The following SH2D4A variants were observed in gnomAD, a reference collection of about 807,000 sequenced individuals.
SH2D4A encodes the protein SH2 domain containing 4A.
SH2D4A carries 70 observed loss-of-function variants against 64.7 expected under a neutral mutation model. That is an observed-to-expected ratio of 1.08 (90% CI 0.89 to 1.32). The LOEUF (loss-of-function observed/expected upper bound fraction) is 1.32, where lower values mean the gene tolerates loss of function less well. SH2D4A is among the 40% of genes most tolerant of loss of function. The probability of loss-of-function intolerance (pLI) is 0.00; values close to 1 mark genes in which losing one functional copy is unlikely to be tolerated. For missense variants in SH2D4A, 706 were observed against 540.1 expected (o/e 1.31, Z -3.04); for synonymous variants, 268 against 200.7 (o/e 1.34, Z -2.83).
At chr8:19,315,864 C>T (rs1585137949) in intron 1 of SH2D4A, among the ~76,000 whole-genome samples, 1 of 152,350 alleles carries the variant, frequency 6.6e-6, no homozygotes, top group African/African-American at 2.4e-5. Context: ...CACCAGGCTC[C>T]TTCGCTTCAC....
intron 5 of SH2D4A, among the ~76,000 whole-genome samples, chr8:19,358,656 C>T (rs1226402558): frequency 2.0e-5 from 3 of 152,142 alleles, no homozygotes; most frequent in Non-Finnish European, 2.9e-5. Flanking sequence ...AATGAATGAG[C>T]CAGCTTGCTA....
chr8:19,383,634 AT>A (rs995555705), intron 8 of SH2D4A, among the ~76,000 whole-genome samples: 2 of 150,728 alleles, frequency 1.3e-5, no homozygotes, highest in East Asian at 1.9e-4. Context: ...AAGGTTTACT[AT>A]TTTTTTTTGT....
rs952014970 is a variant in SH2D4A at position 19,355,927 on chromosome 8, A to C, written c.514-1276A>C. ...TTGAAGGAAATAGTCCCCAAATGCC[A>C]TGGCCAAAAATACAATAAAAGTTAT... is the stretch of plus-strand genomic sequence containing the variant. On this transcript the variant is annotated intron_variant, in intron 4 of 9. Coordinates refer to ENST00000265807, the MANE Select transcript of SH2D4A (RefSeq NM_022071.4). 2.0e-5 allele frequency among the ~76,000 whole-genome samples: 3 copies of C among 152,222 alleles called. No homozygotes were observed. In the South Asian group the frequency reaches 6.2e-4, roughly 32 times the overall value.
intron 4 of SH2D4A, among the ~76,000 whole-genome samples, chr8:19,348,542 C>T (rs765405102): frequency 1.3e-5 from 2 of 152,094 alleles, no homozygotes. Context: ...GAGCGCTGTC[C>T]ACTCCGGAAC....
rs1240284148 is a variant in SH2D4A, at chr8:19,313,815, C to T, written c.-213C>T. On this transcript the variant is annotated 5_prime_UTR_variant, in exon 1 of 10. Transcript: ENST00000265807. Reference sequence around the variant, plus strand: ...ATCGAGCCACCCTGCCCAGGGGCGCCCAGCACTGGTAGGTGCTGGGGGTGG... The same window carrying T: ...ATCGAGCCACCCTGCCCAGGGGCGCTCAGCACTGGTAGGTGCTGGGGGTGG... 4 of 1,504,290 alleles carry T rather than the reference C, an allele frequency of 2.7e-6. No homozygotes were observed. The highest frequency in any genetic ancestry group is 3.5e-6 in the Non-Finnish European group (4 of 1,132,260). 93.2% of individuals were successfully genotyped at this position (1,504,290 alleles called of 1,614,324 possible). A position where few individuals can be genotyped will look rare whatever the true frequency, so the allele number is the denominator to read the frequency against.
chr8:19,377,180 G>A (rs1402608526), intron 8 of SH2D4A, among the ~76,000 whole-genome samples: 2 of 152,136 alleles, frequency 1.3e-5, no homozygotes, highest in Non-Finnish European at 2.9e-5. Context: ...TCAGGAGTTC[G>A]AGACCAGCCT....
rs766034329 is a variant in SH2D4A, at chr8:19,393,519, C to T, written c.1250C>T (p.Ala417Val). The T allele has an allele frequency of 6.6e-5, 107 of 1,614,154 alleles. No individual in the cohort carries two copies. The highest frequency in any genetic ancestry group is 8.5e-5 in the Non-Finnish European group (100 of 1,180,032). The stretch of plus-strand genomic sequence containing the variant: ...GACCAGCTACAGCATGCCACCTTGG[C>T]GGATTTGGTGGAATATCACAAGGTG... The part of the protein sequence containing the change: ...GVDQLQHATL[A>V]DLVEYHKEEP... Residue 417 changes from alanine (A) to valine (V), a missense_variant, in exon 9 of 10, where the codon GCG becomes GTG. Physicochemically the swap from Ala to Val is moderately conservative, Grantham distance 64. Coordinates refer to ENST00000265807, the MANE Select transcript of SH2D4A (RefSeq NM_022071.4).
chr8:19,347,678 A>G (rs2052634146), intron 4 of SH2D4A, among the ~76,000 whole-genome samples: 1 of 152,250 alleles, frequency 6.6e-6, no homozygotes, highest in Admixed American at 6.5e-5. Flanking sequence ...TTATTTTTAC[A>G]GAAATGGCCT....
intron 4 of SH2D4A, among the ~76,000 whole-genome samples, chr8:19,350,398 G>A (rs2052682998): frequency 6.6e-6 from 1 of 152,198 alleles, no homozygotes; most frequent in African/African-American, 2.4e-5. Flanking sequence ...ATTGTTCATC[G>A]AATATGACTG....
chr8:19,344,930 G>T (rs573977081), intron 4 of SH2D4A, among the ~76,000 whole-genome samples: 18 of 152,182 alleles, frequency 1.2e-4, no homozygotes, highest in African/African-American at 4.1e-4. Context: ...CCTGATAGGA[G>T]TTACATATTT....
At chr8:19,370,824 T>C (rs74355365) in intron 7 of SH2D4A, among the ~76,000 whole-genome samples, 2,503 of 152,248 alleles carry the variant, frequency 0.016, 62 homozygotes, top group African/African-American at 0.057. Context: ...TTATAGTCTT[T>C]GTGGTTAGGC....
chr8:19,348,672 C>G lies in SH2D4A; in HGVS notation c.514-8531C>G, dbSNP rs939743867. 1.3e-5 allele frequency among the ~76,000 whole-genome samples: 2 copies of G among 152,162 alleles called. 1 individual carries two copies. The highest frequency in any genetic ancestry group is 4.1e-4 in the South Asian group (2 of 4,834). On this transcript the variant is annotated intron_variant, in intron 4 of 9. Coordinates refer to ENST00000265807, the MANE Select transcript of SH2D4A (RefSeq NM_022071.4). ...TAGAAAAGAATATGCTGAATTATTTCTAGGATTCTCATTCATCTCAAAGTG... is the reference window on the plus strand; with the variant it reads ...TAGAAAAGAATATGCTGAATTATTTGTAGGATTCTCATTCATCTCAAAGTG...
At chr8:19,392,719 G>A (rs1320219185) in intron 8 of SH2D4A, among the ~76,000 whole-genome samples, 7 of 151,982 alleles carry the variant, frequency 4.6e-5, no homozygotes, top group African/African-American at 1.7e-4. Context: ...GGGTGTATAA[G>A]TAGAAATATA....
At chr8:19,343,757 C>T (rs991608580) in intron 4 of SH2D4A, among the ~76,000 whole-genome samples, 4 of 152,084 alleles carry the variant, frequency 2.6e-5, no homozygotes, top group Admixed American at 6.6e-5. Flanking sequence ...TACAGCGCCA[C>T]GAGGAAGGCA....
chr8:19,358,719 A>C (rs2052832674), intron 5 of SH2D4A, among the ~76,000 whole-genome samples: 1 of 152,212 alleles, frequency 6.6e-6, no homozygotes. Flanking sequence ...CTTTGGGGAC[A>C]CTTGTGAGGC....
At chr8:19,380,928 GA>G (rs2053282505) in intron 8 of SH2D4A, among the ~76,000 whole-genome samples, 1 of 152,090 alleles carries the variant, frequency 6.6e-6, no homozygotes, top group Non-Finnish European at 1.5e-5. Context: ...TTTTGGTAGG[GA>G]TTGCATTGAA....
At position 19,390,074 on chromosome 8, in the gene SH2D4A, G is replaced by A. The variant is rs981593943; in HGVS notation, c.1049-3244G>A. ...AAGGGCAATGCAGGGGACAAGTACC[G>A]TTAGGTTGACTGAGGCCGGGTGCAG... On this transcript the variant is annotated intron_variant, in intron 8 of 9. Coordinates refer to ENST00000265807, the MANE Select transcript of SH2D4A (RefSeq NM_022071.4). 2.0e-5 allele frequency among the ~76,000 whole-genome samples: 3 copies of A among 152,142 alleles called. 1 individual carries two copies. Among genetic ancestry groups the A allele is most frequent in the Admixed American group, 6.5e-5 (1 of 15,274 alleles).
Position 19,314,050 on chromosome 8 carries a change from CG to C in SH2D4A, c.-205+229del. Reference sequence around the variant, plus strand: ...CGGCGGGTGTCCGGTGTCCGGTGTCCGGTGTCCGGTGTCTGGAGCCGCTGGC... The same window carrying C: ...CGGCGGGTGTCCGGTGTCCGGTGTCCGTGTCCGGTGTCTGGAGCCGCTGGC... On this transcript the variant is annotated intron_variant, in intron 1 of 9. Transcript: ENST00000265807. 4.8e-6 allele frequency: 5 copies of C among 1,039,492 alleles called. No homozygotes were observed. In the East Asian group the frequency reaches 3.9e-4, roughly 82 times the overall value. The allele number at this position is 1,039,492 out of a possible 1,614,324, so 64.4% of individuals were successfully genotyped here.
At chr8:19,389,905 T>C (rs1252122543) in intron 8 of SH2D4A, among the ~76,000 whole-genome samples, 1 of 152,166 alleles carries the variant, frequency 6.6e-6, no homozygotes, top group Non-Finnish European at 1.5e-5. Context: ...TGCTTTTCTC[T>C]AGCACAGAAA....
Sources: gnomAD v4.1 joint callset for allele counts (sites outside exome capture counted in the v4.1 genomes callset) on GRCh38, gnomAD v4.1.1 for gene constraint, MANE v1.5 for transcripts, NCBI Gene and HGNC (gene_info 2026-07-23, HGNC 2026-07-21) for gene names.